The following ZNF441 variants were observed in gnomAD, a reference collection of about 807,000 sequenced individuals.
ZNF441 encodes the protein zinc finger protein 441.
A neutral mutation model predicts 64.5 loss-of-function variants in ZNF441; 25 were observed. The ratio of observed to expected loss-of-function variants is 0.39; its 90% CI spans 0.28 to 0.54. ZNF441 has a LOEUF of 0.54. Among genes scored for constraint, ZNF441 ranks in the 20% least tolerant of loss-of-function variants. The pLI is 0.70. For missense variants in ZNF441, 715 were observed against 843.3 expected, an observed-to-expected ratio of 0.85 and a Z score of 1.88; for synonymous variants, 262 against 268.0, an observed-to-expected ratio of 0.98 and a Z score of 0.22.
intron 1 of ZNF441, among the ~76,000 whole-genome samples, chr19:11,772,157 C>T (rs573593477): frequency 2.3e-4 from 35 of 151,828 alleles, no homozygotes; most frequent in Admixed American, 1.7e-3. Context: ...ATGTGACCCA[C>T]GTGACCTTAC....
At chr19:11,775,659 G>T (rs1174244404) in intron 1 of ZNF441, among the ~76,000 whole-genome samples, 1 of 109,810 alleles carries the variant, frequency 9.1e-6, no homozygotes, top group Non-Finnish European at 1.7e-5. Flanking sequence ...ACGGAATCTT[G>T]CTTTATCGCC....
intron 1 of ZNF441, among the ~76,000 whole-genome samples, chr19:11,770,181 G>A (rs778939993): frequency 1.4e-4 from 22 of 152,170 alleles, no homozygotes; most frequent in Non-Finnish European, 2.5e-4. Context: ...CAATTGTGGC[G>A]GAAGGGGAAG....
chr19:11,781,453 C>T lies in ZNF441; in HGVS notation c.1629C>T (p.Ser543=). 1 of 1,613,944 alleles carries T rather than the reference C, an allele frequency of 6.2e-7. No homozygotes were observed. The highest frequency in any genetic ancestry group is 8.5e-7 in the Non-Finnish European group (1 of 1,179,972). ...CKLCGKGFRS[S]SYIQLHERTH... ...TATGTGGGAAAGGCTTCAGGTCTTC[C>T]AGTTACATTCAACTACATGAAAGGA... The change falls in exon 4 of 4, where the codon TCC becomes TCT. Residue 543 remains serine (S), a synonymous_variant. Transcript: ENST00000357901.
At chr19:11,770,348 T>C (rs1310594478) in intron 1 of ZNF441, among the ~76,000 whole-genome samples, 1 of 152,094 alleles carries the variant, frequency 6.6e-6, no homozygotes, top group Non-Finnish European at 1.5e-5. Context: ...GTCCTTCCCT[T>C]GATACATGGG....
rs1411374687 is a variant in ZNF441, at chr19:11,777,741, A to G, written c.130+4A>G. Reference sequence around the variant, plus strand: ...ATCAGAAACCTGGACTGTATAGGTAAGGATGTCATCATGTCTTCACTTAGT... The same window carrying G: ...ATCAGAAACCTGGACTGTATAGGTAGGGATGTCATCATGTCTTCACTTAGT... On this transcript the variant is annotated splice_donor_region_variant and intron_variant, in intron 2 of 3. Coordinates refer to ENST00000357901, the MANE Select transcript of ZNF441 (RefSeq NM_152355.3). 2 of 1,604,444 alleles carry G rather than the reference A, an allele frequency of 1.2e-6. No individual in the cohort carries two copies. The highest frequency in any genetic ancestry group is 1.7e-6 in the Non-Finnish European group (2 of 1,176,834).
In ZNF441 at chr19:11,781,026, G is replaced by A; in HGVS notation, c.1202G>A (p.Ser401Asn). 6.2e-7 allele frequency: 1 copy of A among 1,613,964 alleles called. No individual in the cohort carries two copies. Among genetic ancestry groups the A allele is most frequent in the Non-Finnish European group, 8.5e-7 (1 of 1,179,982 alleles). Residue 401 changes from serine to asparagine, a missense_variant, in exon 4 of 4, where the codon AGT becomes AAT. Ser to Asn is a conservative substitution (Grantham distance 46). Coordinates refer to ENST00000357901, the MANE Select transcript of ZNF441 (RefSeq NM_152355.3). ...AAATGTGAATGTGGGAAAGCCTTTAGTGATTTCTATTACTTTCGAAATCAT... is the reference window on the plus strand; with the variant it reads ...AAATGTGAATGTGGGAAAGCCTTTAATGATTTCTATTACTTTCGAAATCAT... The part of the protein sequence containing the change: ...PYKCECGKAF[S>N]DFYYFRNHET...
Position 11,767,626 on chromosome 19 carries a change from G to A in ZNF441, c.3+430G>A, listed in dbSNP as rs1340144823. 6.6e-6 allele frequency among the ~76,000 whole-genome samples: 1 copy of A among 152,214 alleles called. No individual in the cohort carries two copies. Among genetic ancestry groups the A allele is most frequent in the Non-Finnish European group, 1.5e-5 (1 of 68,040 alleles). ...AGGGGTGTGGACAGGGGCGGCTGGGGCGTGGGGTCGCTGGATGGTGGGGAA... is the reference window on the plus strand; with the variant it reads ...AGGGGTGTGGACAGGGGCGGCTGGGACGTGGGGTCGCTGGATGGTGGGGAA... On this transcript the variant is annotated intron_variant, in intron 1 of 3. Transcript: ENST00000357901. The surrounding 1 kb of genome is among the most constrained non-coding windows in gnomAD (Gnocchi z 5.1).
At chr19:11,771,796 A>G (rs1365517521) in intron 1 of ZNF441, among the ~76,000 whole-genome samples, 1 of 152,230 alleles carries the variant, frequency 6.6e-6, no homozygotes, top group Non-Finnish European at 1.5e-5. Context: ...GTGTCAAGGA[A>G]CACCCACTAC....
chr19:11,774,324 T>C (rs1179676311), intron 1 of ZNF441, among the ~76,000 whole-genome samples: 19 of 152,200 alleles, frequency 1.2e-4, no homozygotes, highest in Admixed American at 1.2e-3. Flanking sequence ...AATGTCTTCA[T>C]TTAATTCTAA....
At chr19:11,768,104 T>G (rs1975285180) in intron 1 of ZNF441, among the ~76,000 whole-genome samples, 1 of 152,130 alleles carries the variant, frequency 6.6e-6, no homozygotes. Context: ...CTTCCAAAGA[T>G]GTGGGCAGCA....
In ZNF441 at chr19:11,780,255, C is replaced by T. The variant is rs976363707; in HGVS notation, c.431C>T (p.Thr144Ile). Reference protein sequence around the residue: ...QEYGEKPYTHTQCGTAFSYQP... With the variant: ...QEYGEKPYTHIQCGTAFSYQP... ...TATGGAGAGAAGCCATATACACATACACAATGTGGGACAGCTTTCAGTTAT... is the reference window on the plus strand; with the variant it reads ...TATGGAGAGAAGCCATATACACATATACAATGTGGGACAGCTTTCAGTTAT... Residue 144 changes from threonine (T) to isoleucine (I), a missense_variant, in exon 4 of 4, where the codon ACA (threonine) becomes ATA (isoleucine). Physicochemically the swap from Thr to Ile is moderately conservative, Grantham distance 89. Coordinates refer to ENST00000357901, the MANE Select transcript of ZNF441 (RefSeq NM_152355.3). 1 of 1,614,146 alleles carries T rather than the reference C, an allele frequency of 6.2e-7. No individual in the cohort carries two copies. The highest frequency in any genetic ancestry group is 8.5e-7 in the Non-Finnish European group (1 of 1,180,002).
chr19:11,781,010 T>C lies in ZNF441; in HGVS notation c.1186T>C (p.Cys396Arg). The change falls in exon 4 of 4, where the codon TGT becomes CGT. Residue 396 changes from cysteine (C) to arginine (R), a missense_variant. Transcript: ENST00000357901. ...TGGGGAGAAACCCTATAAATGTGAATGTGGGAAAGCCTTTAGTGATTTCTA... is the reference window on the plus strand; with the variant it reads ...TGGGGAGAAACCCTATAAATGTGAACGTGGGAAAGCCTTTAGTGATTTCTA... ...HTGEKPYKCE[C>R]GKAFSDFYYF... is the part of the protein sequence containing the mutation. 1 of 1,614,002 alleles carries C rather than the reference T, an allele frequency of 6.2e-7. No individual in the cohort carries two copies. Among genetic ancestry groups the C allele is most frequent in the Non-Finnish European group, 8.5e-7 (1 of 1,179,988 alleles).
chr19:11,771,506 T>G (rs1292103372), intron 1 of ZNF441, among the ~76,000 whole-genome samples: 1 of 152,242 alleles, frequency 6.6e-6, no homozygotes, highest in African/African-American at 2.4e-5. Flanking sequence ...ATATAGATCT[T>G]AGATATGATT....
Position 11,782,145 on chromosome 19 carries a change from A to G in ZNF441, c.*239A>G. 2.7e-6 allele frequency: 1 copy of G among 374,998 alleles called. No individual in the cohort carries two copies. Among genetic ancestry groups the G allele is most frequent in the Non-Finnish European group, 4.8e-6 (1 of 208,568 alleles). 23.2% of individuals were successfully genotyped at this position (374,998 alleles called of 1,614,324 possible). ...GTCTAGCAAACTTTCAAAGGTGGTTATTATAACATACTAGCAATGGACCTT... is the reference window on the plus strand; with the variant it reads ...GTCTAGCAAACTTTCAAAGGTGGTTGTTATAACATACTAGCAATGGACCTT... On this transcript the variant is annotated 3_prime_UTR_variant, in exon 4 of 4. Transcript: ENST00000357901.
chr19:11,767,101 C>T lies in ZNF441; in HGVS notation c.-93C>T. The stretch of plus-strand genomic sequence containing the variant: ...GGCTCCGGGTTCTGTCACTGAGAGA[C>T]GCCCTGGAACGTCTGTGGCAGCTTC... On this transcript the variant is annotated 5_prime_UTR_variant, in exon 1 of 4. In the 5' UTR this introduces an upstream ATG that the reference lacks. Transcript: ENST00000357901. The surrounding 1 kb of genome is among the most constrained non-coding windows in gnomAD (Gnocchi z 5.1). 1.3e-6 allele frequency: 2 copies of T among 1,542,156 alleles called. No homozygotes were observed. The highest frequency in any genetic ancestry group is 8.8e-7 in the Non-Finnish European group (1 of 1,139,020).
chr19:11,777,639 T>C lies in ZNF441; in HGVS notation c.32T>C (p.Ile11Thr), dbSNP rs1423014177. The change falls in exon 2 of 4, where the codon ATA becomes ACA. Residue 11 changes from isoleucine to threonine, a missense_variant. This residue lies in a region of ZNF441 where 399 missense variants were observed against 413.9 expected (regional missense o/e 0.96). Transcript: ENST00000357901. MDSVAFEDVAINFTCEEWALL... is the reference protein window; with the variant it reads MDSVAFEDVATNFTCEEWALL... ...TCAGTGGCATTTGAGGATGTGGCTA[T>C]AAACTTCACCTGTGAGGAGTGGGCT... 1.2e-6 allele frequency: 2 copies of C among 1,613,442 alleles called. No homozygotes were observed. Among genetic ancestry groups the C allele is most frequent in the Non-Finnish European group, 1.7e-6 (2 of 1,179,666 alleles).
At position 11,783,849 on chromosome 19, in the gene ZNF441, G is replaced by C. The variant is rs1199744271; in HGVS notation, c.*1943G>C. 1 of 152,150 alleles carries C rather than the reference G, an allele frequency of 6.6e-6. No individual in the cohort carries two copies. Among genetic ancestry groups the C allele is most frequent in the African/African-American group, 2.4e-5 (1 of 41,432 alleles). 9.4% of individuals were successfully genotyped at this position (152,150 alleles called of 1,614,324 possible). A position where few individuals can be genotyped will look rare whatever the true frequency, so the allele number is the denominator to read the frequency against. On this transcript the variant is annotated 3_prime_UTR_variant, in exon 4 of 4. Transcript: ENST00000357901. ...AGTTCTGATGTTAGAAAGCATACTA[G>C]AGTGAACTATAGTTAGCAAAAATAT...
At chr19:11,769,069 G>A (rs1372557905) in intron 1 of ZNF441, among the ~76,000 whole-genome samples, 1 of 152,180 alleles carries the variant, frequency 6.6e-6, no homozygotes, top group African/African-American at 2.4e-5. Context: ...GGGAGGTGGT[G>A]AAAGGAGATG....
intron 1 of ZNF441, among the ~76,000 whole-genome samples, chr19:11,776,675 T>A (rs1599269889): frequency 6.6e-6 from 1 of 152,376 alleles, no homozygotes; most frequent in East Asian, 1.9e-4. Context: ...TTTGTCATAC[T>A]TAACTACATA....
Sources: allele counts gnomAD v4.1 joint callset (sites outside exome capture counted in the v4.1 genomes callset), GRCh38; gene constraint gnomAD v4.1.1; regional missense constraint gnomAD v4.1.1; non-coding constraint Gnocchi (gnomAD v3.1); transcripts MANE v1.5; gene names NCBI Gene and HGNC (gene_info 2026-07-23, HGNC 2026-07-21).